The following KIF26B variants were observed in gnomAD, a reference collection of about 807,000 sequenced individuals.
KIF26B encodes kinesin-like protein KIF26B.
A neutral mutation model predicts 151.2 loss-of-function variants in KIF26B; 63 were observed. That is an observed-to-expected ratio of 0.42 (90% CI 0.34 to 0.51). The LOEUF is 0.51. Among genes scored for constraint, KIF26B ranks in the 20% least tolerant of loss-of-function variants. The probability of loss-of-function intolerance (pLI) is 0.07; values close to 1 mark genes in which losing one functional copy is unlikely to be tolerated. For missense variants in KIF26B, 2,813 were observed against 2,913.6 expected (o/e 0.97, Z 0.79); for synonymous variants, 1,357 against 1,262.1 (o/e 1.08, Z -1.59).
intron 2 of KIF26B, among the ~76,000 whole-genome samples, chr1:245,261,631 C>A (rs1201610606): frequency 6.6e-6 from 1 of 151,804 alleles, no homozygotes; most frequent in African/African-American, 2.4e-5. Flanking sequence ...GTTGCCCAGG[C>A]TGGAATGCAA....
At chr1:245,370,391 C>T (rs1673084611) in intron 3 of KIF26B, among the ~76,000 whole-genome samples, 3 of 150,928 alleles carry the variant, frequency 2.0e-5, no homozygotes, top group East Asian at 2.0e-4. Context: ...TGGCAAAAAC[C>T]GCAATGACTT....
intron 2 of KIF26B, among the ~76,000 whole-genome samples, chr1:245,272,869 GT>G (rs1054615684): frequency 2.6e-5 from 4 of 151,902 alleles, no homozygotes; most frequent in Non-Finnish European, 5.9e-5. Flanking sequence ...TCATTCCATT[GT>G]GGTTGAAAAA....
chr1:245,282,603 C>T (rs1228287841), intron 2 of KIF26B, among the ~76,000 whole-genome samples: 1 of 152,176 alleles, frequency 6.6e-6, no homozygotes, highest in Non-Finnish European at 1.5e-5. Flanking sequence ...TTTTCCAGGG[C>T]TACATCAATG....
chr1:245,475,500 T>C (rs985627051), intron 4 of KIF26B, among the ~76,000 whole-genome samples: 1 of 151,736 alleles, frequency 6.6e-6, no homozygotes, highest in Admixed American at 6.6e-5. Flanking sequence ...AAGGTTATGA[T>C]TGCACCAGTG....
At chr1:245,637,789 TTGTCAAAAATGAGTTGGC>T (rs2043851188) in intron 9 of KIF26B, among the ~76,000 whole-genome samples, 1 of 152,122 alleles carries the variant, frequency 6.6e-6, no homozygotes, top group Non-Finnish European at 1.5e-5. Flanking sequence ...ATTGGTGCCT[TTGTCAAAAATGAGTTGGC>T]TGTAAGTGCA....
chr1:245,492,720 A>G (rs1660433196), intron 4 of KIF26B, among the ~76,000 whole-genome samples: 1 of 152,204 alleles, frequency 6.6e-6, no homozygotes, highest in Non-Finnish European at 1.5e-5. Flanking sequence ...AGGTGGGGCT[A>G]TAGGTTTTCT....
intron 2 of KIF26B, among the ~76,000 whole-genome samples, chr1:245,209,417 A>G (rs946598567): frequency 6.6e-6 from 1 of 150,996 alleles, no homozygotes; most frequent in Non-Finnish European, 1.5e-5. Context: ...ATAAAACAAG[A>G]AAAAAAATAA....
At position 245,166,557 on chromosome 1, in the gene KIF26B, C is replaced by T. The variant is rs1038286234; in HGVS notation, c.465+9874C>T. Among the ~76,000 whole-genome samples, 1 of 152,122 alleles carries T rather than the reference C, an allele frequency of 6.6e-6. No individual in the cohort carries two copies. Among genetic ancestry groups the T allele is most frequent in the African/African-American group, 2.4e-5 (1 of 41,410 alleles). On this transcript the variant is annotated intron_variant, in intron 2 of 14. Transcript: ENST00000407071. The surrounding 1 kb of genome is among the most constrained non-coding windows in gnomAD (Gnocchi z 4.5). ...CTTTAAGCCCGGCCCCTCTCGTAGC[C>T]CCTCCAGGGAGACTTGCAGATGTGG...
chr1:245,168,337 C>T (rs1668649708), intron 2 of KIF26B, among the ~76,000 whole-genome samples: 1 of 152,200 alleles, frequency 6.6e-6, no homozygotes, highest in Non-Finnish European at 1.5e-5. Flanking sequence ...CCGGTAGCGC[C>T]GTCGTTGCTG....
intron 2 of KIF26B, among the ~76,000 whole-genome samples, chr1:245,203,418 G>A (rs558587792): frequency 6.6e-6 from 1 of 152,118 alleles, no homozygotes; most frequent in East Asian, 1.9e-4. Context: ...TTTTCCCATA[G>A]GTTTTCATTC....
chr1:245,172,180 G>A (rs1218782488), intron 2 of KIF26B, among the ~76,000 whole-genome samples: 1 of 152,112 alleles, frequency 6.6e-6, no homozygotes, highest in East Asian at 1.9e-4. Context: ...AGATGACTAA[G>A]ACGCAGCCCT....
chr1:245,368,689 T>C (rs1360538814), intron 3 of KIF26B, among the ~76,000 whole-genome samples: 1 of 152,188 alleles, frequency 6.6e-6, no homozygotes, highest in Non-Finnish European at 1.5e-5. Flanking sequence ...CGTCACCATC[T>C]TCCAGGGGCC....
intron 10 of KIF26B, among the ~76,000 whole-genome samples, chr1:245,653,490 T>A (rs539548493): frequency 6.6e-6 from 1 of 152,254 alleles, no homozygotes; most frequent in South Asian, 2.1e-4. Flanking sequence ...CTCTGCTAAA[T>A]GCCTTATGGA....
In KIF26B at chr1:245,198,654, G is replaced by A. The variant is rs561338590; in HGVS notation, c.465+41971G>A. ...GGAGAATCGCTTGAACTTGGGAGGCGGAGGTTGCGTGAGTCGAGATCGAGG... is the reference window on the plus strand; with the variant it reads ...GGAGAATCGCTTGAACTTGGGAGGCAGAGGTTGCGTGAGTCGAGATCGAGG... On this transcript the variant is annotated intron_variant, in intron 2 of 14. Transcript: ENST00000407071. Among the ~76,000 whole-genome samples, 5 of 151,884 alleles carry A rather than the reference G, an allele frequency of 3.3e-5. No homozygotes were observed. The East Asian group carries it at 5.9e-4, about 18-fold the overall frequency.
chr1:245,285,857 G>A (rs988166219), intron 2 of KIF26B, among the ~76,000 whole-genome samples: 11 of 151,976 alleles, frequency 7.2e-5, no homozygotes, highest in African/African-American at 2.4e-4. Flanking sequence ...AAATTAGCCA[G>A]GTGTGGTGGT....
At chr1:245,324,515 G>A (rs1166575411) in intron 2 of KIF26B, among the ~76,000 whole-genome samples, 1 of 152,188 alleles carries the variant, frequency 6.6e-6, no homozygotes, top group African/African-American at 2.4e-5. Context: ...TGTACTGCAG[G>A]ATGACAGAGG....
Position 245,447,150 on chromosome 1 carries a change from C to T in KIF26B, c.1166+27405C>T, listed in dbSNP as rs552227426. Among the ~76,000 whole-genome samples the T allele has an allele frequency of 1.4e-4, 21 of 152,294 alleles. No individual in the cohort carries two copies. The South Asian group carries it at 2.7e-3, about 20-fold the overall frequency. ...GAGCTGGCTCCTCTCAAGCTGGTGC[C>T]TTCCTGGTGTGCTTGCTGCTGCTGT... On this transcript the variant is annotated intron_variant, in intron 4 of 14. Transcript: ENST00000407071.
rs2043066492 is a variant in KIF26B at position 245,571,593 on chromosome 1, TTAAG to T, written c.1350+30647_1350+30650del. Among the ~76,000 whole-genome samples, 3 of 152,164 alleles carry T rather than the reference TTAAG, an allele frequency of 2.0e-5. No individual in the cohort carries two copies. The South Asian group carries it at 6.2e-4, about 32-fold the overall frequency. ...CCTTTTGTCAGGCTCTCTAAACACT[TTAAG>T]TAACAGAATCAATTAAGCCTTCCTC... On this transcript the variant is annotated intron_variant, in intron 5 of 14. Transcript: ENST00000407071.
At chr1:245,274,330 C>A (rs1670904368) in intron 2 of KIF26B, among the ~76,000 whole-genome samples, 1 of 152,050 alleles carries the variant, frequency 6.6e-6, no homozygotes, top group Non-Finnish European at 1.5e-5. Context: ...ACCCATCGAT[C>A]CATCATCTAC....
Sources: allele counts gnomAD v4.1 joint callset (sites outside exome capture counted in the v4.1 genomes callset), GRCh38; gene constraint gnomAD v4.1.1; non-coding constraint Gnocchi (gnomAD v3.1); transcripts MANE v1.5; gene names NCBI Gene and HGNC (gene_info 2026-07-23, HGNC 2026-07-21).